MAMDC2: variants seen among roughly 807,000 people sequenced by gnomAD.
MAMDC2 encodes the protein MAM domain-containing protein 2.
A neutral mutation model predicts 89.8 loss-of-function variants in MAMDC2; 57 were observed. That is an observed-to-expected ratio of 0.63 (90% CI 0.51 to 0.79). The LOEUF is 0.79. Ranked by LOEUF, MAMDC2 falls within the 30% of genes least tolerant of loss-of-function variation. The pLI is 0.00. For synonymous variants in MAMDC2, 313 were observed against 293.4 expected (o/e 1.07, Z -0.68); for missense variants, 800 against 820.6 (o/e 0.97, Z 0.31).
chr9:70,158,681 G>T (rs1025626526), intron 9 of MAMDC2, among the ~76,000 whole-genome samples: 50 of 151,930 alleles, frequency 3.3e-4, no homozygotes, highest in Non-Finnish European at 1.2e-4. Flanking sequence ...ATCACTTAAT[G>T]ATAAGGATAC....
At chr9:70,155,207 T>A (rs969861748) in intron 9 of MAMDC2, among the ~76,000 whole-genome samples, 6 of 152,160 alleles carry the variant, frequency 3.9e-5, no homozygotes, top group African/African-American at 1.4e-4. Context: ...GCATCTCATC[T>A]CTTGTTGACT....
At chr9:70,174,626 T>C (rs1036907626) in intron 11 of MAMDC2, among the ~76,000 whole-genome samples, 1 of 152,012 alleles carries the variant, frequency 6.6e-6, no homozygotes, top group Non-Finnish European at 1.5e-5. Context: ...GGTTTAGCTA[T>C]AGCCTAGTGA....
intron 2 of MAMDC2, among the ~76,000 whole-genome samples, chr9:70,098,053 G>A (rs1330467056): frequency 6.6e-6 from 1 of 152,182 alleles, no homozygotes; most frequent in East Asian, 1.9e-4. Flanking sequence ...TACATGATAT[G>A]AAGTACCTTG....
chr9:70,043,878 G>A lies in MAMDC2; in HGVS notation c.-320G>A. 2 of 446,786 alleles carry A rather than the reference G, an allele frequency of 4.5e-6. No homozygotes were observed. Among genetic ancestry groups the A allele is most frequent in the Non-Finnish European group, 4.0e-6 (1 of 249,770 alleles). 27.7% of individuals were successfully genotyped at this position (446,786 alleles called of 1,614,324 possible). A position where few individuals can be genotyped will look rare whatever the true frequency, so the allele number is the denominator to read the frequency against. ...CTCCTCTCCCAGCCAGTCGTGGCTGGCCTTTCAAAGTGTGCAGTTGTCTCC... is the reference window on the plus strand; with the variant it reads ...CTCCTCTCCCAGCCAGTCGTGGCTGACCTTTCAAAGTGTGCAGTTGTCTCC... On this transcript the variant is annotated 5_prime_UTR_variant, in exon 1 of 14. Transcript: ENST00000377182.
chr9:70,195,978 AAGG>A lies in MAMDC2; in HGVS notation c.1652-22355_1652-22353del, dbSNP rs367663129. Reference sequence around the variant, plus strand: ...TTGAGACTGGATAATTTATAAAGGAAAGGAGGTTTAATGGACTCACAGTTCCAC... The same window carrying A: ...TTGAGACTGGATAATTTATAAAGGAAAGGTTTAATGGACTCACAGTTCCAC... On this transcript the variant is annotated intron_variant, in intron 11 of 13. Transcript: ENST00000377182. 3.4e-4 allele frequency among the ~76,000 whole-genome samples: 52 copies of A among 152,292 alleles called. 1 individual carries two copies. Among genetic ancestry groups the A allele is most frequent in the African/African-American group, 1.2e-3 (49 of 41,578 alleles).
At chr9:70,085,742 T>C (rs1247424504) in intron 2 of MAMDC2, 2 of 152,148 alleles carry the variant, frequency 1.3e-5, no homozygotes, top group Non-Finnish European at 2.9e-5. Flanking sequence ...CATCTGGTTT[T>C]TGTGTATCTA....
At chr9:70,056,124 T>A (rs1181865855) in intron 2 of MAMDC2, among the ~76,000 whole-genome samples, 2 of 152,236 alleles carry the variant, frequency 1.3e-5, no homozygotes, top group South Asian at 4.1e-4. Flanking sequence ...GACTTTAATA[T>A]GCTTTTGCTT....
At position 70,112,984 on chromosome 9, in the gene MAMDC2, C is replaced by A; in HGVS notation, c.506-11C>A. On this transcript the variant is annotated splice_polypyrimidine_tract_variant and intron_variant, in intron 4 of 13. Transcript: ENST00000377182. ...GTGTCTCCATGAAGTGTTTTTGTTT[C>A]CCTTCCCCAGAATGTGACTTTGAAG... 6.2e-7 allele frequency: 1 copy of A among 1,613,974 alleles called. No individual in the cohort carries two copies. The highest frequency in any genetic ancestry group is 8.5e-7 in the Non-Finnish European group (1 of 1,179,916).
intron 11 of MAMDC2, among the ~76,000 whole-genome samples, chr9:70,217,035 C>T (rs1011433033): frequency 1.3e-5 from 2 of 152,180 alleles, no homozygotes; most frequent in African/African-American, 4.8e-5. Flanking sequence ...CAGCACACCA[C>T]TGCCTTATCT....
chr9:70,066,873 A>C (rs1025618755), intron 2 of MAMDC2, among the ~76,000 whole-genome samples: 5 of 152,364 alleles, frequency 3.3e-5, no homozygotes, highest in Admixed American at 6.5e-5. Flanking sequence ...AAAGTAACAC[A>C]TAAACAACTC....
intron 11 of MAMDC2, among the ~76,000 whole-genome samples, chr9:70,183,922 T>C (rs1444226492): frequency 1.3e-5 from 2 of 152,200 alleles, no homozygotes; most frequent in East Asian, 1.9e-4. Flanking sequence ...ATTCTGTCAT[T>C]ATGATGGTAG....
chr9:70,051,322 C>G (rs1444274878), intron 2 of MAMDC2, among the ~76,000 whole-genome samples: 1 of 152,156 alleles, frequency 6.6e-6, no homozygotes, highest in East Asian at 1.9e-4. Context: ...AGTGGCTACC[C>G]AAATCCTGGC....
rs559901935 is a variant in MAMDC2 at position 70,108,302 on chromosome 9, C to T, written c.240C>T (p.Cys80=). The change falls in exon 3 of 14, where the codon TGC becomes TGT. Residue 80 remains cysteine, a synonymous_variant. Transcript: ENST00000377182. The stretch of plus-strand genomic sequence containing the variant: ...ACTTACAGGCTGAGGAATGGAGCTG[C>T]CTCCGTTTGGTCTACCAGATAACCA... ...SPDLQAEEWS[C]LRLVYQITTS... 2.5e-6 allele frequency: 4 copies of T among 1,614,072 alleles called. No homozygotes were observed. The East Asian group carries it at 8.9e-5, about 36-fold the overall frequency.
Position 70,143,651 on chromosome 9 carries a change from G to A in MAMDC2, c.1236G>A (p.Leu412=). 1 of 1,614,188 alleles carries A rather than the reference G, an allele frequency of 6.2e-7. No homozygotes were observed. The highest frequency in any genetic ancestry group is 8.5e-7 in the Non-Finnish European group (1 of 1,180,024). The stretch of plus-strand genomic sequence containing the variant: ...TACCAGGAAACTTGCAGTATTGTCT[G>A]CGTTTTCATTATGCCATCTATGGAT... ...PSLPGNLQYC[L]RFHYAIYGFL... The change falls in exon 9 of 14, where the codon CTG becomes CTA. Residue 412 remains leucine, a synonymous_variant. Transcript: ENST00000377182.
chr9:70,195,387 C>T (rs550022336), intron 11 of MAMDC2, among the ~76,000 whole-genome samples: 1 of 152,208 alleles, frequency 6.6e-6, no homozygotes, highest in East Asian at 1.9e-4. Context: ...CCGCCATTTA[C>T]TTCAGTAGCT....
intron 11 of MAMDC2, among the ~76,000 whole-genome samples, chr9:70,183,114 T>C (rs911895549): frequency 1.3e-5 from 2 of 152,182 alleles, no homozygotes; most frequent in Non-Finnish European, 2.9e-5. Flanking sequence ...TTCCCAGTAG[T>C]CATTCAGGAG....
intron 11 of MAMDC2, chr9:70,217,244 AG>A: frequency 1.1e-6 from 1 of 884,850 alleles, no homozygotes. Context: ...TACCCGGGAC[AG>A]GGGAGGCACT....
chr9:70,101,865 T>A (rs377283522), intron 2 of MAMDC2, among the ~76,000 whole-genome samples: 2 of 152,352 alleles, frequency 1.3e-5, no homozygotes. Context: ...ACTTCAGTTT[T>A]ACAGTCTAAA....
chr9:70,103,999 A>T (rs561837661), intron 2 of MAMDC2, among the ~76,000 whole-genome samples: 8 of 151,430 alleles, frequency 5.3e-5, no homozygotes, highest in Non-Finnish European at 1.2e-4. Context: ...AAAAAAAAAA[A>T]GGTGAAAAGA....
Sources: gnomAD v4.1 joint callset for allele counts (sites outside exome capture counted in the v4.1 genomes callset) on GRCh38, gnomAD v4.1.1 for gene constraint, MANE v1.5 for transcripts, NCBI Gene and HGNC (gene_info 2026-07-23, HGNC 2026-07-21) for gene names.